The following DMXL1 variants were observed in gnomAD, a reference collection of about 807,000 sequenced individuals.
The protein encoded by DMXL1 is dmX-like protein 1.
In DMXL1, 99 loss-of-function variants were observed where a neutral mutation model predicts 319.2. The ratio of observed to expected loss-of-function variants is 0.31; its 90% CI spans 0.26 to 0.37. The LOEUF (loss-of-function observed/expected upper bound fraction) is 0.37. Among genes scored for constraint, DMXL1 ranks in the 10% least tolerant of loss-of-function variants. The probability of loss-of-function intolerance (pLI) is 1.00; values close to 1 mark genes in which losing one functional copy is unlikely to be tolerated. For missense variants in DMXL1, 3,745 were observed against 3,595.6 expected, an observed-to-expected ratio of 1.04 and a Z score of -1.06; for synonymous variants, 1,385 against 1,235.2, an observed-to-expected ratio of 1.12 and a Z score of -2.54.
At chr5:119,164,096 GTT>G (rs746909307) in intron 19 of DMXL1, among the ~76,000 whole-genome samples, 2 of 146,198 alleles carry the variant, frequency 1.4e-5, no homozygotes. Flanking sequence ...CTTGCTTGAT[GTT>G]TTTTTTTTTT....
At chr5:119,119,829 G>GA (rs1337767230) in intron 8 of DMXL1, among the ~76,000 whole-genome samples, 1 of 151,576 alleles carries the variant, frequency 6.6e-6, no homozygotes, top group African/African-American at 2.4e-5. Flanking sequence ...TCTTAATATT[G>GA]AAAACGAAGT....
At chr5:119,098,216 T>G in intron 2 of DMXL1, 112 bp downstream of exon 2, 1 of 1,270,898 alleles carries the variant, frequency 7.9e-7, no homozygotes, top group Non-Finnish European at 1.1e-6. Context: ...GTTTCAAAGA[T>G]AGTGTAGCTA....
At position 119,171,152 on chromosome 5, in the gene DMXL1, C is replaced by A. The variant is rs556805912; in HGVS notation, c.6361C>A (p.Gln2121Lys). 6.2e-7 allele frequency: 1 copy of A among 1,613,974 alleles called. No homozygotes were observed. The highest frequency in any genetic ancestry group is 1.3e-5 in the African/African-American group (1 of 75,044). Residue 2121 changes from glutamine (Q) to lysine (K), a missense_variant, in exon 24 of 44, where the codon CAG becomes AAG. Around this residue, in one of 4 missense-constraint regions of DMXL1, gnomAD observed 1,382 missense variants for 1,269.5 expected, o/e 1.09. Coordinates refer to ENST00000539542, the MANE Select transcript of DMXL1 (RefSeq NM_001290321.3). ...GAGAGAAAATTTTCAGGAAAAAAGACAGTGGCTCTTGAAGTATCAGTCACT... is the reference window on the plus strand; with the variant it reads ...GAGAGAAAATTTTCAGGAAAAAAGAAAGTGGCTCTTGAAGTATCAGTCACT... ...QLRENFQEKR[Q>K]WLLKYQSLLR...
chr5:119,145,107 AAAAT>A (rs1768224526), intron 15 of DMXL1, among the ~76,000 whole-genome samples: 1 of 151,870 alleles, frequency 6.6e-6, no homozygotes, highest in African/African-American at 2.4e-5. Context: ...CACACTGAGT[AAAAT>A]AAAGCTACAG....
At chr5:119,240,878 C>T (rs193083111) in intron 42 of DMXL1, among the ~76,000 whole-genome samples, 1 of 151,826 alleles carries the variant, frequency 6.6e-6, no homozygotes, top group Non-Finnish European at 1.5e-5. Context: ...TGTCTTTATT[C>T]ACAGAAAACA....
chr5:119,140,745 A>T (rs1245558066), intron 13 of DMXL1, among the ~76,000 whole-genome samples: 4 of 152,270 alleles, frequency 2.6e-5, no homozygotes, highest in African/African-American at 9.6e-5. Flanking sequence ...ACTCCTCCCC[A>T]ACTAATTTTT....
intron 19 of DMXL1, among the ~76,000 whole-genome samples, chr5:119,154,933 A>G (rs370013958): frequency 6.6e-6 from 1 of 152,350 alleles, no homozygotes; most frequent in South Asian, 2.1e-4. Flanking sequence ...TAGAGTGTTT[A>G]AGAATTATGT....
intron 29 of DMXL1, 125 bp from the exon 30 acceptor site, chr5:119,193,703 A>G (rs1257389627): frequency 1.1e-6 from 1 of 922,484 alleles, no homozygotes; most frequent in South Asian, 1.6e-5. Flanking sequence ...TGGTAAGATA[A>G]TAGTTACTTA....
At chr5:119,115,155 C>A (rs1760556845) in intron 6 of DMXL1, among the ~76,000 whole-genome samples, 1 of 152,174 alleles carries the variant, frequency 6.6e-6, no homozygotes, top group Non-Finnish European at 1.5e-5. Context: ...AGGATAAAAA[C>A]ACCTACCTCA....
intron 28 of DMXL1, among the ~76,000 whole-genome samples, chr5:119,184,228 A>AT (rs1419142009): frequency 1.3e-5 from 2 of 151,848 alleles, no homozygotes; most frequent in African/African-American, 4.8e-5. Context: ...AGCCTAGTTA[A>AT]TTTTTTAAGT....
intron 1 of DMXL1, among the ~76,000 whole-genome samples, chr5:119,096,327 C>T (rs900597197): frequency 5.3e-5 from 8 of 152,100 alleles, no homozygotes; most frequent in East Asian, 1.9e-4. Flanking sequence ...CAGGCATGCA[C>T]GACCATGCCC....
intron 39 of DMXL1, among the ~76,000 whole-genome samples, chr5:119,234,719 T>A (rs1787409007): frequency 6.6e-6 from 1 of 152,176 alleles, no homozygotes; most frequent in Admixed American, 6.6e-5. Flanking sequence ...GTTGTCAGTT[T>A]TATATTGCTC....
At position 119,167,858 on chromosome 5, in the gene DMXL1, A is replaced by G; in HGVS notation, c.5392A>G (p.Asn1798Asp). 6.2e-7 allele frequency: 1 copy of G among 1,610,924 alleles called. No individual in the cohort carries two copies. Among genetic ancestry groups the G allele is most frequent in the Non-Finnish European group, 8.5e-7 (1 of 1,179,198 alleles). The change falls in exon 23 of 44, where the codon AAT becomes GAT. Residue 1798 changes from asparagine to aspartate, a missense_variant. Coordinates refer to ENST00000539542, the MANE Select transcript of DMXL1 (RefSeq NM_001290321.3). Reference sequence around the variant, plus strand: ...ATTAATAAAGCAACCTATCAGAGAGAATGATGGTAAGCTGCACTTCTAAGA... The same window carrying G: ...ATTAATAAAGCAACCTATCAGAGAGGATGATGGTAAGCTGCACTTCTAAGA... ...ETLIKQPIRE[N>D]DDQVLSASNP...
chr5:119,190,192 G>A (rs980300236), intron 29 of DMXL1, among the ~76,000 whole-genome samples: 1 of 152,048 alleles, frequency 6.6e-6, no homozygotes, highest in Non-Finnish European at 1.5e-5. Context: ...TGTACTTGAT[G>A]GTGATTAAGG....
chr5:119,100,625 T>C (rs1757032599), intron 2 of DMXL1: 1 of 152,148 alleles, frequency 6.6e-6, no homozygotes. Context: ...TTCACCTTGG[T>C]GTGAGGCCTT....
intron 13 of DMXL1, among the ~76,000 whole-genome samples, chr5:119,138,133 G>T (rs905379869): frequency 2.6e-5 from 4 of 151,902 alleles, no homozygotes; most frequent in Non-Finnish European, 4.4e-5. Context: ...TCCAGGAGAG[G>T]GAAAAAAGGA....
rs747655727 is a variant in DMXL1 at position 119,097,973 on chromosome 5, T to A, written c.88-6T>A. On this transcript the variant is annotated splice_region_variant and splice_polypyrimidine_tract_variant and intron_variant, in intron 1 of 43. Coordinates refer to ENST00000539542, the MANE Select transcript of DMXL1 (RefSeq NM_001290321.3). ...TTTTATCATTTTTATTTATTTATTT[T>A]TTTAGGCTTATGCATCTGGATGTGA... 9 of 1,599,612 alleles carry A rather than the reference T, an allele frequency of 5.6e-6. No individual in the cohort carries two copies. Among genetic ancestry groups the A allele is most frequent in the Non-Finnish European group, 6.8e-6 (8 of 1,172,838 alleles).
chr5:119,130,891 T>A (rs1047220752), intron 10 of DMXL1, among the ~76,000 whole-genome samples: 2 of 152,188 alleles, frequency 1.3e-5, no homozygotes, highest in African/African-American at 4.8e-5. Flanking sequence ...AAAATATCAA[T>A]AACTTCTGAC....
At chr5:119,232,589 G>A (rs1581464925) in intron 38 of DMXL1, among the ~76,000 whole-genome samples, 2 of 152,162 alleles carry the variant, frequency 1.3e-5, no homozygotes, top group Middle Eastern at 3.4e-3. Flanking sequence ...GGAAGGAAAT[G>A]GTCTCAGAGA....
Sources: gnomAD v4.1 joint callset for allele counts (sites outside exome capture counted in the v4.1 genomes callset) on GRCh38, gnomAD v4.1.1 for gene constraint, gnomAD v4.1.1 regional missense constraint, MANE v1.5 for transcripts, NCBI Gene and HGNC (gene_info 2026-07-23, HGNC 2026-07-21) for gene names.